ERBB4: variants seen among roughly 807,000 people sequenced by gnomAD.
ERBB4 encodes receptor tyrosine-protein kinase erbB-4.
ERBB4 carries 42 observed loss-of-function variants against 158.0 expected under a neutral mutation model. The observed-to-expected ratio is 0.27, with a 90% CI of 0.21 to 0.34. ERBB4 has a LOEUF of 0.34. ERBB4 is among the 10% of genes least tolerant of loss of function. The pLI, the probability that ERBB4 is intolerant of heterozygous loss-of-function variation, is 1.00. For synonymous variants in ERBB4, 583 were observed against 558.7 expected (o/e 1.04, Z -0.61); for missense variants, 1,333 against 1,624.1 (o/e 0.82, Z 3.08).
rs1437432376 is a variant in ERBB4, at chr2:211,536,896, TC to T, written c.2487+25006del. ...TCTCTCTCTCCAAATCTTAAATCTT[TC>T]TCCCAACCTAGTAAGGTAGAGCAGG... On this transcript the variant is annotated intron_variant, in intron 20 of 27. Transcript: ENST00000342788. 6.0e-5 allele frequency among the ~76,000 whole-genome samples: 9 copies of T among 151,148 alleles called. No homozygotes were observed. The East Asian group carries it at 1.8e-3, about 29-fold the overall frequency.
intron 4 of ERBB4, among the ~76,000 whole-genome samples, chr2:211,772,808 GATATATAT>G (rs761544601): frequency 4.8e-4 from 18 of 37,746 alleles, no homozygotes; most frequent in African/African-American, 1.8e-3. Context: ...ACCATACTGG[GATATATAT>G]ATATATATAT....
chr2:211,669,133 G>C (rs1334470073), intron 14 of ERBB4, among the ~76,000 whole-genome samples: 2 of 147,124 alleles, frequency 1.4e-5, no homozygotes, highest in Admixed American at 1.4e-4. Context: ...TGAGGCATGA[G>C]ACTCGTTTGT....
chr2:211,425,768 A>G (rs1574467041), intron 22 of ERBB4, among the ~76,000 whole-genome samples: 1 of 152,066 alleles, frequency 6.6e-6, no homozygotes. Context: ...TGCACCCTCA[A>G]CTTCCCCAGG....
At chr2:212,436,951 A>T (rs1365035387) in intron 1 of ERBB4, among the ~76,000 whole-genome samples, 1 of 152,028 alleles carries the variant, frequency 6.6e-6, no homozygotes, top group Non-Finnish European at 1.5e-5. Context: ...GCTAGAAAAG[A>T]GTGGGTTGGA....
At chr2:211,978,396 G>GTCTGTCTATCTATCTATCTATCTA (rs77259627) in intron 2 of ERBB4, among the ~76,000 whole-genome samples, 24 of 136,648 alleles carry the variant, frequency 1.8e-4, no homozygotes, top group Non-Finnish European at 2.7e-4. Context: ...CTGTCTGTCT[G>GTCTGTCTATCTATCTATCTATCTA]TCTATCTATC....
chr2:212,297,636 A>G (rs1238605645), intron 1 of ERBB4, among the ~76,000 whole-genome samples: 1 of 149,816 alleles, frequency 6.7e-6, no homozygotes, highest in African/African-American at 2.5e-5. Flanking sequence ...ATCACTGGCT[A>G]CTAAAAAATA....
Position 211,717,946 on chromosome 2 carries a change from T to C in ERBB4, c.884-4298A>G, listed in dbSNP as rs140296761. ...TTTTTGAGACAGAGTTTTGCTCTTT[T>C]TGCCCAGGCTGGAGTGCAATTGCAT... On this transcript the variant is annotated intron_variant, in intron 7 of 27. Transcript: ENST00000342788. 5.2e-3 allele frequency among the ~76,000 whole-genome samples: 796 copies of C among 152,276 alleles called. 10 individuals carry two copies. Among genetic ancestry groups the C allele is most frequent in the African/African-American group, 0.018 (750 of 41,548 alleles).
chr2:211,929,486 C>G (rs986244541), intron 3 of ERBB4, among the ~76,000 whole-genome samples: 1 of 152,102 alleles, frequency 6.6e-6, no homozygotes, highest in African/African-American at 2.4e-5. Flanking sequence ...CCAGCATGTT[C>G]TCCCCATGTG....
chr2:211,532,689 G>A (rs889188860), intron 20 of ERBB4, among the ~76,000 whole-genome samples: 1 of 151,762 alleles, frequency 6.6e-6, no homozygotes, highest in Non-Finnish European at 1.5e-5. Context: ...AAGACGTCCG[G>A]AAATGACAAT....
chr2:212,123,367 C>T (rs760433706), intron 2 of ERBB4, among the ~76,000 whole-genome samples: 7 of 152,110 alleles, frequency 4.6e-5, no homozygotes, highest in East Asian at 3.9e-4. Flanking sequence ...CACACCACTG[C>T]GCTCCAGCCA....
At chr2:212,069,896 T>C (rs891787314) in intron 2 of ERBB4, among the ~76,000 whole-genome samples, 3 of 151,816 alleles carry the variant, frequency 2.0e-5, no homozygotes, top group South Asian at 2.1e-4. Context: ...GGTGAGAGGA[T>C]CACTTGAGGC....
chr2:211,908,842 A>G (rs771560004), intron 3 of ERBB4, among the ~76,000 whole-genome samples: 1 of 151,748 alleles, frequency 6.6e-6, no homozygotes, highest in Non-Finnish European at 1.5e-5. Context: ...TGAACAGCAT[A>G]GACTTGGCCT....
chr2:212,195,212 A>T (rs2082390074), intron 1 of ERBB4, among the ~76,000 whole-genome samples: 1 of 151,912 alleles, frequency 6.6e-6, no homozygotes, highest in African/African-American at 2.4e-5. Flanking sequence ...TGGTGTTATT[A>T]CTCTTTTCTC....
At chr2:212,294,076 C>T (rs914637871) in intron 1 of ERBB4, among the ~76,000 whole-genome samples, 4 of 151,800 alleles carry the variant, frequency 2.6e-5, no homozygotes, top group Non-Finnish European at 5.9e-5. Context: ...AGAGGATAAT[C>T]TCTTGCATTT....
At chr2:212,162,840 C>A (rs1277720680) in intron 1 of ERBB4, among the ~76,000 whole-genome samples, 4 of 151,798 alleles carry the variant, frequency 2.6e-5, no homozygotes, top group African/African-American at 9.7e-5. Flanking sequence ...TCTGATTTAC[C>A]TTCTAATCTT....
intron 3 of ERBB4, among the ~76,000 whole-genome samples, chr2:211,913,665 GTA>G (rs1337485664): frequency 0.025 from 3,774 of 149,390 alleles, 140 homozygotes; most frequent in African/African-American, 0.087. Context: ...GTGTATGTGT[GTA>G]TGTGTGTGTG....
intron 2 of ERBB4, among the ~76,000 whole-genome samples, chr2:212,116,957 C>A (rs1385074603): frequency 1.3e-5 from 2 of 151,958 alleles, no homozygotes; most frequent in Admixed American, 6.6e-5. Context: ...GTGTAAATTG[C>A]ATAGCTTTTT....
At chr2:212,419,560 C>T (rs115220033) in intron 1 of ERBB4, among the ~76,000 whole-genome samples, 149 of 151,774 alleles carry the variant, frequency 9.8e-4, no homozygotes, top group Middle Eastern at 6.8e-3. Context: ...AATGTATATG[C>T]ATATATTTGC....
At chr2:212,243,240 G>A (rs936295026) in intron 1 of ERBB4, among the ~76,000 whole-genome samples, 3 of 152,094 alleles carry the variant, frequency 2.0e-5, no homozygotes, top group Admixed American at 6.6e-5. Flanking sequence ...GGGAAGCCAC[G>A]CATCTGGCAG....
Sources: gnomAD v4.1 joint callset for allele counts (sites outside exome capture counted in the v4.1 genomes callset) on GRCh38, gnomAD v4.1.1 for gene constraint, MANE v1.5 for transcripts, NCBI Gene and HGNC (gene_info 2026-07-23, HGNC 2026-07-21) for gene names.